KCNJ6: variants seen among roughly 807,000 people sequenced by gnomAD.
The protein encoded by KCNJ6 is potassium inwardly rectifying channel subfamily J member 6, also known as G protein-activated inward rectifier potassium channel 2.
In KCNJ6, 9 loss-of-function variants were observed where a neutral mutation model predicts 34.2. That is an observed-to-expected ratio of 0.26 (90% CI 0.16 to 0.46). The LOEUF (loss-of-function observed/expected upper bound fraction) is 0.46. Among genes scored for constraint, KCNJ6 ranks in the 20% least tolerant of loss-of-function variants. The probability of loss-of-function intolerance (pLI) is 1.00; values close to 1 mark genes in which losing one functional copy is unlikely to be tolerated. For synonymous variants in KCNJ6, 196 were observed against 207.1 expected (o/e 0.95, Z 0.46); for missense variants, 236 against 531.3 (o/e 0.44, Z 5.46).
intron 3 of KCNJ6, among the ~76,000 whole-genome samples, chr21:37,691,725 T>C (rs1365745750): frequency 6.6e-6 from 1 of 152,158 alleles, no homozygotes; most frequent in African/African-American, 2.4e-5. Flanking sequence ...TGAGACATGG[T>C]TGGAGGCCAC....
At chr21:37,821,026 G>T (rs1198643408) in intron 2 of KCNJ6, among the ~76,000 whole-genome samples, 1 of 152,142 alleles carries the variant, frequency 6.6e-6, no homozygotes, top group Non-Finnish European at 1.5e-5. Flanking sequence ...GTTTCAGCTG[G>T]TTTTTCTATC....
intron 3 of KCNJ6, among the ~76,000 whole-genome samples, chr21:37,706,010 A>G (rs1301770430): frequency 2.0e-5 from 3 of 152,220 alleles, no homozygotes; most frequent in Non-Finnish European, 2.9e-5. Context: ...TACTCTTCAA[A>G]GCCAGTCAAG....
At chr21:37,804,238 T>C (rs915523157) in intron 2 of KCNJ6, among the ~76,000 whole-genome samples, 1 of 152,072 alleles carries the variant, frequency 6.6e-6, no homozygotes, top group Non-Finnish European at 1.5e-5. Context: ...GTTTGTAGGA[T>C]TGTAAAATGG....
chr21:37,851,252 C>T (rs2055536061), intron 1 of KCNJ6, among the ~76,000 whole-genome samples: 1 of 152,140 alleles, frequency 6.6e-6, no homozygotes, highest in East Asian at 1.9e-4. Flanking sequence ...ACAGCATTGT[C>T]AATAGGACAG....
At chr21:37,648,400 C>T (rs1328857811) in intron 3 of KCNJ6, among the ~76,000 whole-genome samples, 1 of 152,206 alleles carries the variant, frequency 6.6e-6, no homozygotes, top group East Asian at 1.9e-4. Flanking sequence ...TAAGGTTTAC[C>T]TTTCCTCTGG....
intron 3 of KCNJ6, among the ~76,000 whole-genome samples, chr21:37,631,126 TA>T (rs1371718257): frequency 6.6e-6 from 1 of 152,232 alleles, no homozygotes; most frequent in African/African-American, 2.4e-5. Context: ...CTATTGGTCT[TA>T]TTTCCATATT....
chr21:37,813,841 G>A (rs2055333873), intron 2 of KCNJ6, among the ~76,000 whole-genome samples: 1 of 152,178 alleles, frequency 6.6e-6, no homozygotes, highest in South Asian at 2.1e-4. Context: ...ACATTGGTCT[G>A]TGCAAAAATT....
chr21:37,852,679 A>C (rs2123592567), intron 1 of KCNJ6, among the ~76,000 whole-genome samples: 1 of 152,370 alleles, frequency 6.6e-6, no homozygotes, highest in South Asian at 2.1e-4. Flanking sequence ...CTGTCATACC[A>C]ACAGAAAGAG....
chr21:37,843,249 T>A (rs992920654), intron 1 of KCNJ6, among the ~76,000 whole-genome samples: 2 of 152,182 alleles, frequency 1.3e-5, no homozygotes, highest in South Asian at 4.1e-4. Flanking sequence ...TTTGTTCAGA[T>A]GTGCTGGATA....
At position 37,662,601 on chromosome 21, in the gene KCNJ6, T is replaced by C. The variant is rs542577787; in HGVS notation, c.947-37117A>G. 2.4e-4 allele frequency among the ~76,000 whole-genome samples: 37 copies of C among 152,334 alleles called. 2 individuals are homozygous for C. The South Asian group carries it at 2.7e-3, about 11-fold the overall frequency. Reference sequence around the variant, plus strand: ...GCATGTATCTTTGTAATAGAATGATTTATATTCCTTTAGGTATATACCCAG... The same window carrying C: ...GCATGTATCTTTGTAATAGAATGATCTATATTCCTTTAGGTATATACCCAG... On this transcript the variant is annotated intron_variant, in intron 3 of 3. Coordinates refer to ENST00000609713, the MANE Select transcript of KCNJ6 (RefSeq NM_002240.5).
chr21:37,813,016 C>A (rs1344827484), intron 2 of KCNJ6, among the ~76,000 whole-genome samples: 1 of 152,122 alleles, frequency 6.6e-6, no homozygotes, highest in African/African-American at 2.4e-5. Context: ...TGGGAAAAAT[C>A]TACAGGCTCC....
At chr21:37,693,765 G>GT (rs2054651119) in intron 3 of KCNJ6, among the ~76,000 whole-genome samples, 1 of 152,196 alleles carries the variant, frequency 6.6e-6, no homozygotes, top group African/African-American at 2.4e-5. Context: ...TTATAAAGAA[G>GT]TTTTTCATAG....
At chr21:37,704,210 GT>G (rs1212151700) in intron 3 of KCNJ6, among the ~76,000 whole-genome samples, 2 of 152,282 alleles carry the variant, frequency 1.3e-5, no homozygotes, top group Admixed American at 6.5e-5. Flanking sequence ...TGACCCATCC[GT>G]GTCGGACCTC....
intron 2 of KCNJ6, among the ~76,000 whole-genome samples, chr21:37,812,159 C>T (rs1026495206): frequency 9.2e-5 from 14 of 152,128 alleles, no homozygotes; most frequent in African/African-American, 3.4e-4. Context: ...TCTGGTTATA[C>T]CACACTTTCT....
intron 2 of KCNJ6, among the ~76,000 whole-genome samples, chr21:37,831,225 C>T (rs972107778): frequency 4.0e-5 from 6 of 150,312 alleles, no homozygotes; most frequent in African/African-American, 1.5e-4. Context: ...ACGTATCTCA[C>T]AGTGAAAAAA....
intron 2 of KCNJ6, among the ~76,000 whole-genome samples, chr21:37,732,797 G>A (rs1327067670): frequency 1.3e-5 from 2 of 152,120 alleles, no homozygotes; most frequent in African/African-American, 4.8e-5. Flanking sequence ...CTCTCCTGGG[G>A]ATGACAGAAA....
At chr21:37,796,400 T>C (rs1171925225) in intron 2 of KCNJ6, among the ~76,000 whole-genome samples, 2 of 152,106 alleles carry the variant, frequency 1.3e-5, no homozygotes, top group Non-Finnish European at 2.9e-5. Context: ...GGCAAAGTGG[T>C]TGGTATTTCA....
At chr21:37,867,266 T>A (rs1455682739) in intron 1 of KCNJ6, among the ~76,000 whole-genome samples, 1 of 152,152 alleles carries the variant, frequency 6.6e-6, no homozygotes, top group Non-Finnish European at 1.5e-5. Context: ...ACCTGAGGTG[T>A]CTAGGGTACT....
intron 1 of KCNJ6, among the ~76,000 whole-genome samples, chr21:37,890,692 T>C (rs919558095): frequency 2.0e-5 from 3 of 152,286 alleles, no homozygotes; most frequent in East Asian, 1.9e-4. Flanking sequence ...TTGTAAATCA[T>C]GTACAAAGGA....
Sources: allele counts gnomAD v4.1 joint callset (sites outside exome capture counted in the v4.1 genomes callset), GRCh38; gene constraint gnomAD v4.1.1; transcripts MANE v1.5; gene names NCBI Gene and HGNC (gene_info 2026-07-23, HGNC 2026-07-21).